PI4K2B: variants seen among roughly 807,000 people sequenced by gnomAD.
PI4K2B encodes phosphatidylinositol 4-kinase type 2 beta.
Under a neutral mutation model 56.6 loss-of-function variants are expected in PI4K2B, and 46 were observed. That is an observed-to-expected ratio of 0.81 (90% CI 0.64 to 1.04). The LOEUF (loss-of-function observed/expected upper bound fraction) is 1.04, where lower values mean the gene tolerates loss of function less well. Among genes scored for constraint, PI4K2B ranks in the 50% least tolerant of loss-of-function variants. PI4K2B has a pLI of 0.00. For synonymous variants in PI4K2B, 211 were observed against 223.8 expected, an observed-to-expected ratio of 0.94 and a Z score of 0.51; for missense variants, 556 against 607.7, an observed-to-expected ratio of 0.91 and a Z score of 0.89.
intron 1 of PI4K2B, among the ~76,000 whole-genome samples, chr4:25,235,327 A>G (rs1715211724): frequency 6.6e-6 from 1 of 152,230 alleles, no homozygotes; most frequent in Admixed American, 6.5e-5. Context: ...TTCACACATG[A>G]CAACTTAAAA....
At chr4:25,261,639 C>G in intron 6 of PI4K2B, among the ~76,000 whole-genome samples, 1 of 151,986 alleles carries the variant, frequency 6.6e-6, no homozygotes, top group South Asian at 2.1e-4. Context: ...ATTCGTAGCA[C>G]TTAGCAATAA....
intron 1 of PI4K2B, among the ~76,000 whole-genome samples, chr4:25,251,241 G>A (rs554034846): frequency 6.6e-6 from 1 of 152,252 alleles, no homozygotes; most frequent in Non-Finnish European, 1.5e-5. Context: ...GCTGGTCGTA[G>A]TATTTTGTGA....
At chr4:25,276,932 A>G in intron 9 of PI4K2B, 82 bp from the exon 10 acceptor site, 1 of 1,439,858 alleles carries the variant, frequency 6.9e-7, no homozygotes, top group Non-Finnish European at 9.2e-7. Flanking sequence ...AAAAATTATA[A>G]TGAATAAATG....
intron 1 of PI4K2B, among the ~76,000 whole-genome samples, chr4:25,248,309 A>G (rs954390547): frequency 6.6e-6 from 1 of 152,190 alleles, no homozygotes; most frequent in Non-Finnish European, 1.5e-5. Flanking sequence ...TCATTCAGCA[A>G]GTGTTTATTA....
chr4:25,239,131 TA>T, intron 1 of PI4K2B, among the ~76,000 whole-genome samples: 1 of 152,240 alleles, frequency 6.6e-6, no homozygotes, highest in African/African-American at 2.4e-5. Context: ...TAGCTAGACA[TA>T]AAGGTTCTCT....
chr4:25,269,722 T>G (rs1325127831), intron 9 of PI4K2B, among the ~76,000 whole-genome samples: 1 of 152,002 alleles, frequency 6.6e-6, no homozygotes, highest in Non-Finnish European at 1.5e-5. Context: ...TTTTTGTTTT[T>G]GTTTTTTTTG....
Position 25,278,140 on chromosome 4 carries a change from T to C in PI4K2B, c.*953T>C, listed in dbSNP as rs1238729662. 1 of 152,206 alleles carries C rather than the reference T, an allele frequency of 6.6e-6. No individual in the cohort carries two copies. Among genetic ancestry groups the C allele is most frequent in the Non-Finnish European group, 1.5e-5 (1 of 68,014 alleles). The allele number at this position is 152,206 out of a possible 1,614,324, so 9.4% of individuals were successfully genotyped here. On this transcript the variant is annotated 3_prime_UTR_variant, in exon 10 of 10. Transcript: ENST00000264864. ...TTGTACTTGAAATTACAGATGTTAT[T>C]ATAATTACAGTCAAATGTAGACTAT...
rs371046439 is a variant in PI4K2B at position 25,255,033 on chromosome 4, A to G, written c.424-32A>G. On this transcript the variant is annotated intron_variant, in intron 2 of 9. Transcript: ENST00000264864. ...TGGATGATTATCTATATATGTAAAA[A>G]GTCTAATAAGATTTTTACTTTTTTG... The G allele has an allele frequency of 1.2e-5, 17 of 1,416,170 alleles. No individual in the cohort carries two copies. The African/African-American group carries it at 2.3e-4, about 19-fold the overall frequency. The allele number at this position is 1,416,170 out of a possible 1,614,324, so 87.7% of individuals were successfully genotyped here. A position where few individuals can be genotyped will look rare whatever the true frequency, so the allele number is the denominator to read the frequency against.
rs1025457895 is a variant in PI4K2B at position 25,265,049 on chromosome 4, G to A, written c.1078+1200G>A. 3.3e-5 allele frequency among the ~76,000 whole-genome samples: 5 copies of A among 151,560 alleles called. No homozygotes were observed. The South Asian group carries it at 8.3e-4, about 25-fold the overall frequency. Reference sequence around the variant, plus strand: ...CATCTCTACTAAAAATACAAAATTAGCCGGGTGTGGTGACACATGCCTGTA... The same window carrying A: ...CATCTCTACTAAAAATACAAAATTAACCGGGTGTGGTGACACATGCCTGTA... On this transcript the variant is annotated intron_variant, in intron 7 of 9. Coordinates refer to ENST00000264864, the MANE Select transcript of PI4K2B (RefSeq NM_018323.4).
At chr4:25,242,930 C>A (rs757104120) in intron 1 of PI4K2B, among the ~76,000 whole-genome samples, 3 of 152,172 alleles carry the variant, frequency 2.0e-5, no homozygotes, top group African/African-American at 7.2e-5. Context: ...GCTAATATAT[C>A]CCTCCCTAAT....
intron 3 of PI4K2B, 130 bp downstream of exon 3, chr4:25,255,395 T>C (rs900810426): frequency 5.8e-6 from 4 of 693,116 alleles, no homozygotes; most frequent in East Asian, 2.7e-5. Context: ...CCAAGAGTCA[T>C]GAGTGACTGG....
At chr4:25,254,052 G>A (rs911331205) in intron 2 of PI4K2B, among the ~76,000 whole-genome samples, 3 of 152,196 alleles carry the variant, frequency 2.0e-5, no homozygotes, top group Non-Finnish European at 4.4e-5. Context: ...GAGCCACAGC[G>A]CCTGGCCAAG....
At chr4:25,262,862 GA>G (rs1419180479) in intron 6 of PI4K2B, among the ~76,000 whole-genome samples, 1 of 152,078 alleles carries the variant, frequency 6.6e-6, no homozygotes, top group Non-Finnish European at 1.5e-5. Flanking sequence ...TGTTATGGAA[GA>G]ATACAGAAGT....
At chr4:25,266,935 G>C (rs1716682372) in intron 7 of PI4K2B, among the ~76,000 whole-genome samples, 2 of 151,832 alleles carry the variant, frequency 1.3e-5, no homozygotes, top group South Asian at 4.2e-4. Context: ...TAAATAAATA[G>C]AGAAGAGAAA....
intron 1 of PI4K2B, among the ~76,000 whole-genome samples, chr4:25,235,951 C>T (rs564190652): frequency 2.6e-5 from 4 of 151,892 alleles, no homozygotes; most frequent in South Asian, 2.1e-4. Flanking sequence ...GCTGGAAGTT[C>T]GAGACCCACC....
In PI4K2B at chr4:25,249,813, G is replaced by A. The variant is rs540871747; in HGVS notation, c.269-2508G>A. Among the ~76,000 whole-genome samples the A allele has an allele frequency of 7.4e-4, 112 of 152,308 alleles. 2 individuals carry two copies. The South Asian group carries it at 0.022, about 29-fold the overall frequency. ...CAGAGACGCTCCTCACTTCCTAGAC[G>A]GGGTGGCGGTCGGGCAGAGACTGCA... On this transcript the variant is annotated intron_variant, in intron 1 of 9. Coordinates refer to ENST00000264864, the MANE Select transcript of PI4K2B (RefSeq NM_018323.4).
intron 1 of PI4K2B, among the ~76,000 whole-genome samples, chr4:25,249,505 G>A (rs1449628152): frequency 6.7e-6 from 1 of 150,270 alleles, no homozygotes; most frequent in Non-Finnish European, 1.5e-5. Context: ...CCCGGACGGG[G>A]TGGCTGCCGG....
At chr4:25,272,997 T>A (rs1033917393) in intron 9 of PI4K2B, among the ~76,000 whole-genome samples, 1 of 152,246 alleles carries the variant, frequency 6.6e-6, no homozygotes, top group Non-Finnish European at 1.5e-5. Flanking sequence ...CAATTTTGCT[T>A]ATTAACTTAA....
chr4:25,264,275 C>T (rs532640523), intron 7 of PI4K2B, among the ~76,000 whole-genome samples: 2 of 152,172 alleles, frequency 1.3e-5, no homozygotes, highest in South Asian at 4.1e-4. Flanking sequence ...TAAATGATTA[C>T]GTTTTCTACA....
Sources: gnomAD v4.1 joint callset for allele counts (sites outside exome capture counted in the v4.1 genomes callset) on GRCh38, gnomAD v4.1.1 for gene constraint, MANE v1.5 for transcripts, NCBI Gene and HGNC (gene_info 2026-07-23, HGNC 2026-07-21) for gene names.